PLEKHG7: variants seen among roughly 807,000 people sequenced by gnomAD.
PLEKHG7 encodes the protein pleckstrin homology domain-containing family G member 7.
PLEKHG7 carries 77 observed loss-of-function variants against 85.2 expected under a neutral mutation model. The ratio of observed to expected loss-of-function variants is 0.90; its 90% confidence interval spans 0.75 to 1.09. The LOEUF is 1.09. PLEKHG7 is among the 50% of genes least tolerant of loss of function. PLEKHG7 has a pLI of 0.00. For missense variants in PLEKHG7, 777 were observed against 804.3 expected, an observed-to-expected ratio of 0.97 and a Z score of 0.41; for synonymous variants, 301 against 302.4, an observed-to-expected ratio of 1.00 and a Z score of 0.05.
intron 7 of PLEKHG7, among the ~76,000 whole-genome samples, chr12:92,740,325 G>A (rs921889681): frequency 5.3e-5 from 8 of 152,102 alleles, no homozygotes; most frequent in African/African-American, 1.9e-4. Context: ...CAAATTAAGT[G>A]AAAATAACAT....
chr12:92,754,287 C>T (rs1368200313), intron 11 of PLEKHG7, 23 bp downstream of exon 11: 1 of 1,608,066 alleles, frequency 6.2e-7, no homozygotes, highest in Admixed American at 1.7e-5. Flanking sequence ...GATAAGTGAG[C>T]TTAATTACAG....
At chr12:92,755,979 T>C in intron 12 of PLEKHG7, 39 bp downstream of exon 12, 1 of 1,408,004 alleles carries the variant, frequency 7.1e-7, no homozygotes, top group South Asian at 1.2e-5. Flanking sequence ...TGTCCATTTC[T>C]GGAATTTGGG....
At chr12:92,754,289 T>C (rs528835486) in intron 11 of PLEKHG7, 25 bp downstream of exon 11, 8 of 1,607,458 alleles carry the variant, frequency 5.0e-6, no homozygotes, top group Non-Finnish European at 6.0e-6. Context: ...TAAGTGAGCT[T>C]AATTACAGAA....
At chr12:92,757,157 A>G (rs1872858450) in intron 13 of PLEKHG7, among the ~76,000 whole-genome samples, 1 of 152,218 alleles carries the variant, frequency 6.6e-6, no homozygotes, top group African/African-American at 2.4e-5. Context: ...TTCTGCCTGT[A>G]CAACCTTGGG....
rs1362815069 is a variant in PLEKHG7 at position 92,706,788 on chromosome 12, A to C, written c.157A>C (p.Arg53=). 1.2e-6 allele frequency: 2 copies of C among 1,613,882 alleles called. No individual in the cohort carries two copies. Among genetic ancestry groups the C allele is most frequent in the African/African-American group, 2.7e-5 (2 of 74,906 alleles). ...GRISTSPTLR[R]LRTRGCGTRQ... is the part of the protein sequence containing the mutation. ...CATCTCCACCTCGCCCACTTTGAGG[A>C]GATTAAGGACCCGTGGCTGTGGGAC... The change falls in exon 2 of 17, where the codon AGA becomes CGA. Residue 53 remains arginine (R), a synonymous_variant. Transcript: ENST00000344636.
rs895308262 is a variant in PLEKHG7, at chr12:92,761,893, T to G, written c.1716+62T>G. ...AGTTTGCTAAATGAGTTTAGAAATA[T>G]TTCTAAATAAACTGTGGTAAAAATA... On this transcript the variant is annotated intron_variant, in intron 14 of 16. Coordinates refer to ENST00000344636, the MANE Select transcript of PLEKHG7 (RefSeq NM_001377329.1). 3.4e-6 allele frequency: 5 copies of G among 1,457,942 alleles called. No homozygotes were observed. The South Asian group carries it at 7.3e-5, about 21-fold the overall frequency. 90.3% of individuals were successfully genotyped at this position (1,457,942 alleles called of 1,614,324 possible). A position where few individuals can be genotyped will look rare whatever the true frequency, so the allele number is the denominator to read the frequency against.
intron 3 of PLEKHG7, 102 bp downstream of exon 3, chr12:92,707,774 C>T: frequency 6.3e-7 from 1 of 1,583,046 alleles, no homozygotes; most frequent in Non-Finnish European, 8.6e-7. Context: ...GGTGTGTTAA[C>T]CAGTGCACTT....
intron 1 of PLEKHG7, among the ~76,000 whole-genome samples, chr12:92,705,723 T>C (rs1871210859): frequency 6.6e-6 from 1 of 152,210 alleles, no homozygotes; most frequent in Non-Finnish European, 1.5e-5. Flanking sequence ...AGGATTGATG[T>C]TTTCCCACAC....
rs749419861 is a variant in PLEKHG7, at chr12:92,752,027, T to TA, written c.1252-2051dup. On this transcript the variant is annotated intron_variant, in intron 10 of 16. Coordinates refer to ENST00000344636, the MANE Select transcript of PLEKHG7 (RefSeq NM_001377329.1). The stretch of plus-strand genomic sequence containing the variant: ...GCAAGATCCTGTTCCCCATCCCCCT[T>TA]AAAAAAAAAAAACAGCTGATAGTGT... 4.6e-3 allele frequency among the ~76,000 whole-genome samples: 645 copies of TA among 138,832 alleles called. 1 individual carries two copies. Among genetic ancestry groups the TA allele is most frequent in the African/African-American group, 9.2e-3 (345 of 37,702 alleles). 91.1% of individuals were successfully genotyped at this position (138,832 alleles called of 152,430 possible).
chr12:92,745,429 G>T (rs1265522651), intron 9 of PLEKHG7, 49 bp from the exon 10 acceptor site: 1 of 1,261,968 alleles, frequency 7.9e-7, no homozygotes, highest in African/African-American at 1.5e-5. Context: ...AGGGCTCAAT[G>T]CTCTCCTTAA....
chr12:92,713,708 G>T (rs984763606), intron 3 of PLEKHG7, among the ~76,000 whole-genome samples: 1 of 152,134 alleles, frequency 6.6e-6, no homozygotes, highest in East Asian at 1.9e-4. Context: ...TAGGTCTAAA[G>T]TGACTAATCC....
At chr12:92,750,143 A>G (rs377154643) in intron 10 of PLEKHG7, among the ~76,000 whole-genome samples, 2 of 151,402 alleles carry the variant, frequency 1.3e-5, no homozygotes, top group African/African-American at 4.8e-5. Flanking sequence ...GACAGGACAT[A>G]TTTTCATCTG....
In PLEKHG7 at chr12:92,729,116, T is replaced by C; in HGVS notation, c.654T>C (p.Asn218=). 1 of 1,231,756 alleles carries C rather than the reference T, an allele frequency of 8.1e-7. No individual in the cohort carries two copies. Among genetic ancestry groups the C allele is most frequent in the Non-Finnish European group, 1.0e-6 (1 of 987,742 alleles). The allele number at this position is 1,231,756 out of a possible 1,614,324, so 76.3% of individuals were successfully genotyped here. The change falls in exon 4 of 17, where the codon AAT becomes AAC. Residue 218 remains asparagine (N), a synonymous_variant. Transcript: ENST00000344636. The part of the protein sequence containing the change: ...DYLCHPLLLL[N]SESKKPRWPF... ...TATGCCATCCACTTCTGCTGCTGAA[T>C]TCAGGTTCTGTTCATTCAGTATACT... is the stretch of plus-strand genomic sequence containing the variant.
Position 92,729,040 on chromosome 12 carries a change from T to G in PLEKHG7, c.578T>G (p.Leu193Arg). ...TCTGTGGTGCTGAACTTACCTGGAC[T>G]TGAGGTGTTCCCCGGGGACCTTCTG... ...RSSVVLNLPG[L>R]EVFPGDLLVS... Residue 193 changes from leucine (L) to arginine (R), a missense_variant, in exon 4 of 17, where the codon CTT becomes CGT. Coordinates refer to ENST00000344636, the MANE Select transcript of PLEKHG7 (RefSeq NM_001377329.1). 8.1e-7 allele frequency: 1 copy of G among 1,231,898 alleles called. No individual in the cohort carries two copies. The highest frequency in any genetic ancestry group is 1.0e-6 in the Non-Finnish European group (1 of 987,820). The allele number at this position is 1,231,898 out of a possible 1,614,324, so 76.3% of individuals were successfully genotyped here.
chr12:92,726,767 TAGGAGAA>T (rs1871828923), intron 3 of PLEKHG7, among the ~76,000 whole-genome samples: 1 of 151,918 alleles, frequency 6.6e-6, no homozygotes, highest in Non-Finnish European at 1.5e-5. Context: ...AAGAAGAAGG[TAGGAGAA>T]AGGAGAAGGG....
chr12:92,731,819 A>C (rs2136594177), intron 4 of PLEKHG7, among the ~76,000 whole-genome samples: 1 of 152,294 alleles, frequency 6.6e-6, no homozygotes, highest in East Asian at 1.9e-4. Context: ...TGAAGTTTGC[A>C]TGTGATGGGG....
chr12:92,729,547 G>A (rs1028290576), intron 4 of PLEKHG7, among the ~76,000 whole-genome samples: 2 of 151,926 alleles, frequency 1.3e-5, no homozygotes, highest in South Asian at 2.1e-4. Context: ...ACCATGGGGA[G>A]GCAGAGGTGC....
rs1354048927 is a variant in PLEKHG7 at position 92,770,504 on chromosome 12, T to C, written c.*309T>C. ...AATTTGTAAAGGGTGAATGATCAGA[T>C]AAATGGAGTATCAGAAGGAAAACAA... On this transcript the variant is annotated 3_prime_UTR_variant, in exon 17 of 17. Transcript: ENST00000344636. 2 of 264,708 alleles carry C rather than the reference T, an allele frequency of 7.6e-6. No individual in the cohort carries two copies. Among genetic ancestry groups the C allele is most frequent in the Non-Finnish European group, 1.4e-5 (2 of 141,096 alleles). 16.4% of individuals were successfully genotyped at this position (264,708 alleles called of 1,614,324 possible).
chr12:92,714,317 G>GT (rs1006287356), intron 3 of PLEKHG7, among the ~76,000 whole-genome samples: 1 of 152,158 alleles, frequency 6.6e-6, no homozygotes, highest in Non-Finnish European at 1.5e-5. Flanking sequence ...TGGGGAAGCT[G>GT]TTTTTTTCTA....
Sources: allele counts gnomAD v4.1 joint callset (sites outside exome capture counted in the v4.1 genomes callset), GRCh38; gene constraint gnomAD v4.1.1; transcripts MANE v1.5; gene names NCBI Gene and HGNC (gene_info 2026-07-23, HGNC 2026-07-21).